ATP1A3: variants seen among roughly 807,000 people sequenced by gnomAD.
ATP1A3 encodes the protein ATPase Na+/K+ transporting subunit alpha 3.
Under a neutral mutation model 108.8 loss-of-function variants are expected in ATP1A3, and 12 were observed. The observed-to-expected ratio is 0.11, with a 90% confidence interval of 0.07 to 0.18. ATP1A3 has a LOEUF of 0.18. Ranked by LOEUF, ATP1A3 falls within the 10% of genes least tolerant of loss-of-function variation. ATP1A3 has a pLI of 1.00. For synonymous variants in ATP1A3, 539 were observed against 564.5 expected, an observed-to-expected ratio of 0.95 and a Z score of 0.64; for missense variants, 498 against 1,387.7, an observed-to-expected ratio of 0.36 and a Z score of 10.19.
chr19:41,985,891 C>A lies in ATP1A3; in HGVS notation c.579G>T (p.Leu193=), dbSNP rs200860753. 6.2e-7 allele frequency: 1 copy of A among 1,614,118 alleles called. No homozygotes were observed. The change falls in exon 6 of 23, where the codon CTG becomes CTT. Residue 193 remains leucine (L), a synonymous_variant. Coordinates refer to ENST00000648268, the MANE Select transcript of ATP1A3 (RefSeq NM_152296.5). This position sits in a 1 kb window ranked among gnomAD's most constrained non-coding sequence, Gnocchi z 8.2. ...IKGGDRVPAD[L]RIISAHGCKV... Reference sequence around the variant, plus strand: ...TGCAGCCGTGGGCTGAGATGATCCGCAGGTCAGCTGGCACTCGGTCTCCAC... The same window carrying A: ...TGCAGCCGTGGGCTGAGATGATCCGAAGGTCAGCTGGCACTCGGTCTCCAC...
chr19:41,970,591 C>T, intron 16 of ATP1A3, 49 bp from the exon 17 acceptor site: 1 of 1,602,810 alleles, frequency 6.2e-7, no homozygotes, highest in South Asian at 1.1e-5. Context: ...GGGAGCCCCA[C>T]TCCCTCTGCC....
chr19:41,967,381 A>G lies in ATP1A3; in HGVS notation c.2922-41T>C. ...CAGGAGGGCTTGAGTGCGGGGCCCTAACGAGAGGCAGAGTTTCAGGGGACT... is the reference window on the plus strand; with the variant it reads ...CAGGAGGGCTTGAGTGCGGGGCCCTGACGAGAGGCAGAGTTTCAGGGGACT... On this transcript the variant is annotated intron_variant, in intron 21 of 22. Coordinates refer to ENST00000648268, the MANE Select transcript of ATP1A3 (RefSeq NM_152296.5). The surrounding 1 kb of genome is among the most constrained non-coding windows in gnomAD (Gnocchi z 4.2). 1.9e-6 allele frequency: 3 copies of G among 1,585,932 alleles called. No homozygotes were observed. The highest frequency in any genetic ancestry group is 2.6e-6 in the Non-Finnish European group (3 of 1,167,220).
rs141412861 is a variant in ATP1A3 at position 41,967,697 on chromosome 19, G to A, written c.2886C>T (p.Pro962=). The A allele has an allele frequency of 4.3e-5, 70 of 1,613,936 alleles. No homozygotes were observed. Among genetic ancestry groups the A allele is most frequent in the African/African-American group, 6.7e-5 (5 of 74,892 alleles). Residue 962 remains proline (P), a synonymous_variant, in exon 21 of 23, where the codon CCC becomes CCT. Transcript: ENST00000648268. This position sits in a 1 kb window ranked among gnomAD's most constrained non-coding sequence, Gnocchi z 4.2. ...ACATGCGCAGGGCCACGTCCATGCCGGGGCAGTAGGACAGGAAGGCAGCCA... is the reference window on the plus strand; with the variant it reads ...ACATGCGCAGGGCCACGTCCATGCCAGGGCAGTAGGACAGGAAGGCAGCCA... ...TALAAFLSYC[P]GMDVALRMYP...
intron 8 of ATP1A3, among the ~76,000 whole-genome samples, chr19:41,983,844 G>A (rs1264382841): frequency 7.1e-6 from 1 of 141,322 alleles, no homozygotes; most frequent in African/African-American, 2.7e-5. Context: ...GCACGATCTC[G>A]GCTCACTGCA....
Position 41,967,471 on chromosome 19 carries a change from C to G in ATP1A3, c.2922-131G>C. ...GCTCACAGGTGGAGGGTGCCCTGGG[C>G]GGGGCTGGGGCCTGGGGTCTTCGGA... On this transcript the variant is annotated intron_variant, in intron 21 of 22. Transcript: ENST00000648268. The surrounding 1 kb of genome is among the most constrained non-coding windows in gnomAD (Gnocchi z 4.2). The G allele has an allele frequency of 8.1e-7, 1 of 1,239,962 alleles. No homozygotes were observed. The highest frequency in any genetic ancestry group is 1.1e-6 in the Non-Finnish European group (1 of 892,512). The allele number at this position is 1,239,962 out of a possible 1,614,324, so 76.8% of individuals were successfully genotyped here. A position where few individuals can be genotyped will look rare whatever the true frequency, so the allele number is the denominator to read the frequency against.
At chr19:41,983,207 A>T (rs1039212178) in intron 8 of ATP1A3, among the ~76,000 whole-genome samples, 4 of 151,726 alleles carry the variant, frequency 2.6e-5, no homozygotes, top group African/African-American at 9.7e-5. Context: ...CCTCCCAAGT[A>T]GCTGGGATTA....
chr19:41,975,571 C>G (rs1168259030), intron 16 of ATP1A3, 58 bp downstream of exon 16: 16 of 1,607,800 alleles, frequency 1.0e-5, no homozygotes, highest in Non-Finnish European at 1.4e-5. Flanking sequence ...GTTCCCCTTG[C>G]TGGTCTCAGG....
Position 41,970,193 on chromosome 19 carries a change from C to T in ATP1A3, c.2534G>A (p.Gly845Glu). 6.2e-7 allele frequency: 1 copy of T among 1,614,244 alleles called. No individual in the cohort carries two copies. The highest frequency in any genetic ancestry group is 8.5e-7 in the Non-Finnish European group (1 of 1,180,044). The change falls in exon 18 of 23, where the codon GGG becomes GAG. Residue 845 changes from glycine to glutamate, a missense_variant. Transcript: ENST00000648268. Reference sequence around the variant, plus strand: ...AGTCCCCGGTGCCTCACCAATCTGCCCGTAGGCCATGCTGATGAGTCTCTC... The same window carrying T: ...AGTCCCCGGTGCCTCACCAATCTGCTCGTAGGCCATGCTGATGAGTCTCTC... Reference protein sequence around the residue: ...VNERLISMAYGQIGMIQALGG... With the variant: ...VNERLISMAYEQIGMIQALGG...
intron 16 of ATP1A3, among the ~76,000 whole-genome samples, chr19:41,971,344 G>A (rs573010255): frequency 2.4e-4 from 36 of 152,154 alleles, no homozygotes; most frequent in East Asian, 7.7e-4. Flanking sequence ...AGATGGTTTC[G>A]GAGTTGCTAT....
At chr19:41,974,392 G>A (rs1164845649) in intron 16 of ATP1A3, among the ~76,000 whole-genome samples, 5 of 152,172 alleles carry the variant, frequency 3.3e-5, no homozygotes, top group South Asian at 4.1e-4. Context: ...GCAGTTAGCC[G>A]TGATTGTGCC....
chr19:41,972,867 A>AAAGAAGGCAGGC (rs1555860243), intron 16 of ATP1A3, among the ~76,000 whole-genome samples: 1 of 129,994 alleles, frequency 7.7e-6, no homozygotes, highest in African/African-American at 3.3e-5. Context: ...GGAAAGAAGG[A>AAAGAAGGCAGGC]AGGAAGGCAG....
Position 41,968,721 on chromosome 19 carries a change from C to T in ATP1A3, c.2819+64G>A, listed in dbSNP as rs1214553343. ...AAGCAAGGACACAAGAGGAAGTACA[C>T]AGACAGACAGACACTCGGACAGGAC... On this transcript the variant is annotated intron_variant, in intron 20 of 22. Coordinates refer to ENST00000648268, the MANE Select transcript of ATP1A3 (RefSeq NM_152296.5). The surrounding 1 kb of genome is among the most constrained non-coding windows in gnomAD (Gnocchi z 5.0). 2 of 1,605,680 alleles carry T rather than the reference C, an allele frequency of 1.2e-6. No individual in the cohort carries two copies. Among genetic ancestry groups the T allele is most frequent in the African/African-American group, 1.3e-5 (1 of 74,736 alleles).
Position 41,966,793 on chromosome 19 carries a change from G to C in ATP1A3, c.*144C>G, listed in dbSNP as rs1555858619. ...GAAGCCAGCCAGAGTGGGGGCGGCA[G>C]GAGATAGTGGAGGGGGTGGGGGCCA... On this transcript the variant is annotated 3_prime_UTR_variant, in exon 23 of 23. Coordinates refer to ENST00000648268, the MANE Select transcript of ATP1A3 (RefSeq NM_152296.5). 1 of 1,528,150 alleles carries C rather than the reference G, an allele frequency of 6.5e-7. No individual in the cohort carries two copies. The highest frequency in any genetic ancestry group is 8.8e-7 in the Non-Finnish European group (1 of 1,131,300). The allele number at this position is 1,528,150 out of a possible 1,614,324, so 94.7% of individuals were successfully genotyped here. A position where few individuals can be genotyped will look rare whatever the true frequency, so the allele number is the denominator to read the frequency against.
Position 41,988,857 on chromosome 19 carries a change from T to C in ATP1A3, c.7-295A>G, listed in dbSNP as rs749317600. ...CTGAGTCTCTGTCCCCGAAGGTCCCTGTCTGGCTTCTGCCTGTGTTTCAGT... is the reference window on the plus strand; with the variant it reads ...CTGAGTCTCTGTCCCCGAAGGTCCCCGTCTGGCTTCTGCCTGTGTTTCAGT... On this transcript the variant is annotated intron_variant, in intron 1 of 22. Transcript: ENST00000648268. This position sits in a 1 kb window ranked among gnomAD's most constrained non-coding sequence, Gnocchi z 5.3. Among the ~76,000 whole-genome samples, 41 of 152,208 alleles carry C rather than the reference T, an allele frequency of 2.7e-4. No individual in the cohort carries two copies. Among genetic ancestry groups the C allele is most frequent in the Non-Finnish European group, 3.1e-4 (21 of 68,036 alleles).
Position 41,981,458 on chromosome 19 carries a change from G to A in ATP1A3, c.1437+44C>T. The A allele has an allele frequency of 6.2e-7, 1 of 1,614,036 alleles. No individual in the cohort carries two copies. The highest frequency in any genetic ancestry group is 8.5e-7 in the Non-Finnish European group (1 of 1,179,994). On this transcript the variant is annotated intron_variant, in intron 11 of 22. Transcript: ENST00000648268. This position sits in a 1 kb window ranked among gnomAD's most constrained non-coding sequence, Gnocchi z 5.0. ...TGACACCTCTTTACAGGCGTCATAA[G>A]GAACCTGAGGTCCAGGCTGGCTCTC...
At chr19:41,991,307 G>A (rs2075335948) in intron 1 of ATP1A3, among the ~76,000 whole-genome samples, 1 of 152,028 alleles carries the variant, frequency 6.6e-6, no homozygotes, top group South Asian at 2.1e-4. Flanking sequence ...GTGGGGGTGT[G>A]CAGGGAGGGG....
chr19:41,978,107 G>C lies in ATP1A3; in HGVS notation c.1807-35C>G. 1 of 1,614,150 alleles carries C rather than the reference G, an allele frequency of 6.2e-7. No individual in the cohort carries two copies. The highest frequency in any genetic ancestry group is 8.5e-7 in the Non-Finnish European group (1 of 1,180,016). ...TTGTTTTTTAGGGATGGCCTCTCCCGCCCCACGCCTGGCTTTGCCTCCCCC... is the reference window on the plus strand; with the variant it reads ...TTGTTTTTTAGGGATGGCCTCTCCCCCCCCACGCCTGGCTTTGCCTCCCCC... On this transcript the variant is annotated intron_variant, in intron 13 of 22. Transcript: ENST00000648268. This position sits in a 1 kb window ranked among gnomAD's most constrained non-coding sequence, Gnocchi z 8.3.
chr19:41,977,287 T>C (rs2075181794), intron 14 of ATP1A3, among the ~76,000 whole-genome samples: 1 of 152,084 alleles, frequency 6.6e-6, no homozygotes, highest in African/African-American at 2.4e-5. Flanking sequence ...TTCTACTGAA[T>C]CCTCTGAGAT....
chr19:41,970,174 C>T lies in ATP1A3; in HGVS notation c.2542+11G>A, dbSNP rs78146024. On this transcript the variant is annotated intron_variant, in intron 18 of 22. Transcript: ENST00000648268. ...CTGGGTGGTAAGGAGATGGAGTCCC[C>T]GGTGCCTCACCAATCTGCCCGTAGG... The T allele has an allele frequency of 1.1e-4, 176 of 1,614,210 alleles. No individual in the cohort carries two copies. The highest frequency in any genetic ancestry group is 6.9e-4 in the East Asian group (31 of 44,870).
Sources: gnomAD v4.1 joint callset for allele counts (sites outside exome capture counted in the v4.1 genomes callset) on GRCh38, gnomAD v4.1.1 for gene constraint, Gnocchi (gnomAD v3.1) non-coding constraint, MANE v1.5 for transcripts, NCBI Gene and HGNC (gene_info 2026-07-23, HGNC 2026-07-21) for gene names.